The following LARGE1 variants were observed in gnomAD, a reference collection of about 807,000 sequenced individuals.
LARGE1 encodes xylosyl- and glucuronyltransferase LARGE1.
Under a neutral mutation model 87.6 loss-of-function variants are expected in LARGE1, and 43 were observed. The ratio of observed to expected loss-of-function variants is 0.49; its 90% CI spans 0.38 to 0.63. The LOEUF (loss-of-function observed/expected upper bound fraction) is 0.63, where lower values mean the gene tolerates loss of function less well. Ranked by LOEUF, LARGE1 falls within the 30% of genes least tolerant of loss-of-function variation. The pLI, the probability that LARGE1 is intolerant of heterozygous loss-of-function variation, is 0.00. For synonymous variants in LARGE1, 434 were observed against 394.6 expected (o/e 1.10, Z -1.18); for missense variants, 802 against 1,000.2 (o/e 0.80, Z 2.67).
At chr22:33,912,406 C>T (rs907226158) in intron 1 of LARGE1, among the ~76,000 whole-genome samples, 9 of 152,188 alleles carry the variant, frequency 5.9e-5, no homozygotes, top group Non-Finnish European at 8.8e-5. Flanking sequence ...TAGATGCCCA[C>T]GTTCTGCTGT....
chr22:33,697,059 C>T (rs761890268), intron 2 of LARGE1, among the ~76,000 whole-genome samples: 2 of 152,014 alleles, frequency 1.3e-5, no homozygotes, highest in Non-Finnish European at 2.9e-5. Flanking sequence ...CAGTTTCCAC[C>T]AAGCAGACAC....
the LARGE1 span, among the ~76,000 whole-genome samples, chr22:33,121,499 C>T: frequency 6.6e-6 from 1 of 152,160 alleles, no homozygotes. Context: ...CCTGGGAATA[C>T]AAATATGGCA....
intron 5 of LARGE1, among the ~76,000 whole-genome samples, chr22:33,566,705 G>A (rs1569275612): frequency 6.6e-6 from 1 of 152,206 alleles, no homozygotes; most frequent in African/African-American, 2.4e-5. Context: ...CCCACATCCT[G>A]CTGATTGGTC....
intron 1 of LARGE1, among the ~76,000 whole-genome samples, chr22:33,769,296 C>T (rs941082341): frequency 3.9e-5 from 6 of 152,168 alleles, no homozygotes; most frequent in African/African-American, 1.4e-4. Context: ...AAAACTGAGA[C>T]TAAGAGAGGC....
the LARGE1 span, among the ~76,000 whole-genome samples, chr22:33,128,251 G>GTATA: frequency 6.6e-6 from 1 of 152,172 alleles, no homozygotes; most frequent in Non-Finnish European, 1.5e-5. Context: ...CCATTGCTGG[G>GTATA]TATATACCCA....
At chr22:33,922,184 A>G (rs924632921), upstream of LARGE1, among the ~76,000 whole-genome samples, 4 of 140,746 alleles carry the variant, frequency 2.8e-5, no homozygotes, top group African/African-American at 1.1e-4. Context: ...TGGAAGGGGC[A>G]GGGGAAGGAT....
chr22:33,192,989 T>C (rs1394851397), intron 11 of LARGE1, among the ~76,000 whole-genome samples: 3 of 139,006 alleles, frequency 2.2e-5, no homozygotes, highest in Admixed American at 1.4e-4. Flanking sequence ...AATTAACATT[T>C]TGAAGTTGCA....
intron 10 of LARGE1, among the ~76,000 whole-genome samples, chr22:33,324,243 A>AAAAAAAAAAAAAAAAAAC (rs1937025571): frequency 1.3e-5 from 1 of 78,396 alleles, no homozygotes; most frequent in African/African-American, 5.2e-5. Context: ...AAAAAAAAAA[A>AAAAAAAAAAAAAAAAAAC]AAAAAAAAAA....
intron 6 of LARGE1, among the ~76,000 whole-genome samples, chr22:33,456,096 G>C (rs1056478667): frequency 2.0e-5 from 3 of 152,302 alleles, no homozygotes; most frequent in Admixed American, 6.5e-5. Flanking sequence ...ACAGGTAAAC[G>C]TTGGAAACAA....
chr22:33,710,364 T>C (rs192266407), intron 2 of LARGE1, among the ~76,000 whole-genome samples: 37 of 152,312 alleles, frequency 2.4e-4, no homozygotes, highest in Admixed American at 5.9e-4. Flanking sequence ...ACTGGAAGAA[T>C]TGGCCCCAGA....
At chr22:33,601,877 G>A (rs1347085706) in intron 5 of LARGE1, among the ~76,000 whole-genome samples, 1 of 152,166 alleles carries the variant, frequency 6.6e-6, no homozygotes, top group Non-Finnish European at 1.5e-5. Flanking sequence ...ATAATAGACA[G>A]TTGGTCTCCC....
the LARGE1 span, among the ~76,000 whole-genome samples, chr22:33,073,561 C>T: frequency 6.6e-6 from 1 of 152,108 alleles, no homozygotes; most frequent in East Asian, 1.9e-4. Context: ...GCTCTAGAGC[C>T]CACCCCTCAT....
chr22:33,875,013 G>A (rs1351543663), intron 1 of LARGE1, among the ~76,000 whole-genome samples: 1 of 152,224 alleles, frequency 6.6e-6, no homozygotes, highest in Non-Finnish European at 1.5e-5. Context: ...ACCCCAGGCA[G>A]TCTAGCTCCA....
Position 33,172,977 on chromosome 22 carries a change from G to A in LARGE1, c.1731-6145C>T, listed in dbSNP as rs541338061. 6.7e-4 allele frequency among the ~76,000 whole-genome samples: 102 copies of A among 152,186 alleles called. 1 individual carries two copies. Among genetic ancestry groups the A allele is most frequent in the Admixed American group, 2.9e-3 (45 of 15,278 alleles). On this transcript the variant is annotated intron_variant, in intron 11 of 11. Transcript: ENST00000608642. The stretch of plus-strand genomic sequence containing the variant: ...AGAATTTCCCCAACCTAGCAATACA[G>A]GCCAACATTCAAATTCAGGAAACAC...
At chr22:33,841,897 G>A (rs1239585189) in intron 1 of LARGE1, among the ~76,000 whole-genome samples, 1 of 152,144 alleles carries the variant, frequency 6.6e-6, no homozygotes. Context: ...TCCTGGGACC[G>A]AGTACTCCAA....
chr22:33,610,458 T>G (rs765946768), intron 4 of LARGE1, among the ~76,000 whole-genome samples: 3 of 152,190 alleles, frequency 2.0e-5, no homozygotes, highest in Non-Finnish European at 2.9e-5. Flanking sequence ...GTGGAAGTTT[T>G]AACTTAAGAG....
chr22:33,267,862 C>T (rs1265701895), downstream of LARGE1, among the ~76,000 whole-genome samples: 2 of 151,492 alleles, frequency 1.3e-5, no homozygotes, highest in Non-Finnish European at 2.9e-5. Flanking sequence ...CTTAGTTTTA[C>T]CTAAGTATTA....
chr22:33,214,284 C>T (rs1217543309), intron 11 of LARGE1, among the ~76,000 whole-genome samples: 1 of 152,046 alleles, frequency 6.6e-6, no homozygotes, highest in East Asian at 1.9e-4. Context: ...CAGATGGGTT[C>T]TCTTTGTGTA....
chr22:33,150,578 G>A, the LARGE1 span, among the ~76,000 whole-genome samples: 2 of 152,042 alleles, frequency 1.3e-5, no homozygotes, highest in African/African-American at 4.8e-5. Flanking sequence ...TCATTAGGAG[G>A]CCATTCTGTT....
Sources: allele counts gnomAD v4.1 joint callset (sites outside exome capture counted in the v4.1 genomes callset), GRCh38; gene constraint gnomAD v4.1.1; transcripts MANE v1.5; gene names NCBI Gene and HGNC (gene_info 2026-07-23, HGNC 2026-07-21).